Variants in PSME3 observed in about 807,000 individuals in gnomAD.
PSME3 encodes the protein proteasome activator complex subunit 3.
PSME3 carries 7 observed loss-of-function variants against 38.3 expected under a neutral mutation model. The ratio of observed to expected loss-of-function variants is 0.18; its 90% confidence interval spans 0.10 to 0.34. PSME3 has a LOEUF of 0.34. Ranked by LOEUF, PSME3 falls within the 10% of genes least tolerant of loss-of-function variation. The pLI, the probability that PSME3 is intolerant of heterozygous loss-of-function variation, is 1.00. For missense variants in PSME3, 192 were observed against 307.6 expected (o/e 0.62, Z 2.81); for synonymous variants, 108 against 105.7 (o/e 1.02, Z -0.13).
intron 2 of PSME3, 60 bp from the exon 3 acceptor site, chr17:42,834,437 GGAGAGAGAGAGAGAGAGA>G (rs59492997): frequency 7.8e-7 from 1 of 1,276,662 alleles, no homozygotes; most frequent in East Asian, 2.9e-5. Context: ...GGAGATACCT[GGAGAGAGAGAGAGAGAGA>G]GAGAGAGAGA....
chr17:42,836,260 C>G (rs891617086), intron 4 of PSME3, among the ~76,000 whole-genome samples: 1 of 152,084 alleles, frequency 6.6e-6, no homozygotes, highest in African/African-American at 2.4e-5. Flanking sequence ...CCGCCTCAGC[C>G]TCCCAAAGTG....
intron 4 of PSME3, among the ~76,000 whole-genome samples, chr17:42,836,031 A>G (rs148152766): frequency 0.019 from 2,777 of 142,456 alleles, 82 homozygotes; most frequent in African/African-American, 0.069. Flanking sequence ...CTTGAGACAG[A>G]GTCTCACTCT....
intron 4 of PSME3, among the ~76,000 whole-genome samples, chr17:42,835,595 G>T (rs1484164110): frequency 6.6e-6 from 1 of 151,942 alleles, no homozygotes; most frequent in Non-Finnish European, 1.5e-5. Flanking sequence ...TGTGGTTGTG[G>T]GCCCCTGTAG....
rs191127123 is a variant in PSME3 at position 42,837,613 on chromosome 17, A to G, written c.244-36A>G. ...ATCTTGTGATGGAGATGTGGGTGTC[A>G]AAACTAGGCTCATCCCTGCCTCTTT... On this transcript the variant is annotated intron_variant, in intron 4 of 10. Coordinates refer to ENST00000590720, the MANE Select transcript of PSME3 (RefSeq NM_005789.4). 4 of 1,610,464 alleles carry G rather than the reference A, an allele frequency of 2.5e-6. No individual in the cohort carries two copies. The East Asian group carries it at 8.9e-5, about 36-fold the overall frequency.
intron 1 of PSME3, chr17:42,834,098 C>T: frequency 6.9e-7 from 1 of 1,452,848 alleles, no homozygotes. Context: ...ATTCAGACAG[C>T]TTCAGACACA....
intron 4 of PSME3, 88 bp downstream of exon 4, chr17:42,834,964 C>G (rs2055444360): frequency 2.2e-5 from 35 of 1,557,990 alleles, no homozygotes; most frequent in Non-Finnish European, 3.0e-5. Flanking sequence ...ACAGAGGGAA[C>G]AGTGGGATTT....
intron 1 of PSME3, chr17:42,834,005 A>T: frequency 1.4e-6 from 2 of 1,439,390 alleles, no homozygotes; most frequent in South Asian, 3.0e-5. Flanking sequence ...CCTGCCTAGT[A>T]TCATAGACTA....
chr17:42,833,400 GT>G lies in PSME3; in HGVS notation c.-229del, dbSNP rs1350581037. ...AGTCTCGGCGATTGGCTGTGACGCAGTTTCCGGCGTGAGCGGCGAAAGCCGG... is the reference window on the plus strand; with the variant it reads ...AGTCTCGGCGATTGGCTGTGACGCAGTTCCGGCGTGAGCGGCGAAAGCCGG... On this transcript the variant is annotated 5_prime_UTR_variant, in exon 1 of 11. Transcript: ENST00000590720. 5.0e-6 allele frequency: 3 copies of G among 599,432 alleles called. No individual in the cohort carries two copies. Among genetic ancestry groups the G allele is most frequent in the Admixed American group, 3.0e-5 (1 of 33,776 alleles). The allele number at this position is 599,432 out of a possible 1,614,324, so 37.1% of individuals were successfully genotyped here.
chr17:42,835,823 G>C (rs544320341), intron 4 of PSME3, among the ~76,000 whole-genome samples: 1 of 152,156 alleles, frequency 6.6e-6, no homozygotes, highest in African/African-American at 2.4e-5. Flanking sequence ...CTTGAGTAGT[G>C]TTATGGGATA....
intron 4 of PSME3, 110 bp downstream of exon 4, chr17:42,834,986 C>G: frequency 4.7e-6 from 7 of 1,477,726 alleles, no homozygotes; most frequent in Non-Finnish European, 6.3e-6. Flanking sequence ...GATCTGGGAA[C>G]TAGGACTCTG....
rs560210658 is a variant in PSME3 at position 42,841,955 on chromosome 17, C to G, written c.*377C>G. The G allele has an allele frequency of 5.7e-5, 9 of 159,282 alleles. No individual in the cohort carries two copies. The highest frequency in any genetic ancestry group is 8.3e-5 in the Non-Finnish European group (6 of 72,352). The allele number at this position is 159,282 out of a possible 1,614,324, so 9.9% of individuals were successfully genotyped here. A position where few individuals can be genotyped will look rare whatever the true frequency, so the allele number is the denominator to read the frequency against. On this transcript the variant is annotated 3_prime_UTR_variant, in exon 11 of 11. Transcript: ENST00000590720. ...ATTAGTTGGTTAAAAGCTGAGGGAA[C>G]CGGAAGGAAAGTGCTAGGTGTTTTT...
Position 42,841,600 on chromosome 17 carries a change from ACT to A in PSME3, c.*25_*26del. On this transcript the variant is annotated 3_prime_UTR_variant, in exon 11 of 11. Coordinates refer to ENST00000590720, the MANE Select transcript of PSME3 (RefSeq NM_005789.4). ...CTGAGGCCAGGGCCAGGGCCAGGGG[ACT>A]CTGTGAGTCTGGCTCAAGACCGACA... The A allele has an allele frequency of 6.5e-7, 1 of 1,534,460 alleles. No homozygotes were observed. Among genetic ancestry groups the A allele is most frequent in the Non-Finnish European group, 8.9e-7 (1 of 1,126,390 alleles).
intron 10 of PSME3, among the ~76,000 whole-genome samples, chr17:42,840,063 G>A (rs2055512600): frequency 6.7e-6 from 1 of 150,306 alleles, no homozygotes; most frequent in Non-Finnish European, 1.5e-5. Flanking sequence ...GATCACTTGA[G>A]GTCAGGAGTT....
rs192083165 is a variant in PSME3, at chr17:42,835,316, C to T, written c.243+440C>T. On this transcript the variant is annotated intron_variant, in intron 4 of 10. Transcript: ENST00000590720. ...CGTCCCAAAGTGCTGGGATTACAGGCGTGAGTCACTGCACGGGGACTCCAG... is the reference window on the plus strand; with the variant it reads ...CGTCCCAAAGTGCTGGGATTACAGGTGTGAGTCACTGCACGGGGACTCCAG... Among the ~76,000 whole-genome samples, 766 of 152,152 alleles carry T rather than the reference C, an allele frequency of 5.0e-3. 10 individuals are homozygous for T. The highest frequency in any genetic ancestry group is 0.017 in the African/African-American group (725 of 41,534).
At position 42,839,026 on chromosome 17, in the gene PSME3, G is replaced by A. The variant is rs1305413492; in HGVS notation, c.542+14G>A. 1.9e-6 allele frequency: 3 copies of A among 1,613,976 alleles called. No individual in the cohort carries two copies. Among genetic ancestry groups the A allele is most frequent in the Non-Finnish European group, 2.5e-6 (3 of 1,179,884 alleles). ...CCAGATTTCTAGGTAGGGCTGCTTG[G>A]GCTTGGCCGAGGCGTTGGGGGCTGA... On this transcript the variant is annotated intron_variant, in intron 8 of 10. Transcript: ENST00000590720.
At chr17:42,837,796 T>G in intron 5 of PSME3, 99 bp downstream of exon 5, 1 of 1,371,858 alleles carries the variant, frequency 7.3e-7, no homozygotes, top group Non-Finnish European at 1.0e-6. Context: ...GGAGGCAAGA[T>G]CTAATCTTAC....
chr17:42,834,955 C>T (rs1014043517), intron 4 of PSME3, 79 bp downstream of exon 4: 2 of 1,575,890 alleles, frequency 1.3e-6, no homozygotes, highest in African/African-American at 2.7e-5. Context: ...TTAAGATGTA[C>T]AGAGGGAACA....
Position 42,834,814 on chromosome 17 carries a change from G to A in PSME3, c.181G>A (p.Asp61Asn), listed in dbSNP as rs2055442107. 4 of 1,613,934 alleles carry A rather than the reference G, an allele frequency of 2.5e-6. No individual in the cohort carries two copies. The highest frequency in any genetic ancestry group is 1.3e-5 in the African/African-American group (1 of 74,902). Reference protein sequence around the residue: ...NIHDLTQIHSDMNLPVPDPIL... With the variant: ...NIHDLTQIHSNMNLPVPDPIL... ...CCATGACCTAACTCAGATCCACTCT[G>A]ACATGAATCTCCCAGTCCCTGACCC... Residue 61 changes from aspartate (D) to asparagine (N), a missense_variant, in exon 4 of 11, where the codon GAC (aspartate) becomes AAC (asparagine). Coordinates refer to ENST00000590720, the MANE Select transcript of PSME3 (RefSeq NM_005789.4).
Position 42,841,626 on chromosome 17 carries a change from C to T in PSME3, c.*48C>T. On this transcript the variant is annotated 3_prime_UTR_variant, in exon 11 of 11. Transcript: ENST00000590720. Reference sequence around the variant, plus strand: ...CTCTGTGAGTCTGGCTCAAGACCGACATTGCCTTGGTTTGTTACATGACTA... The same window carrying T: ...CTCTGTGAGTCTGGCTCAAGACCGATATTGCCTTGGTTTGTTACATGACTA... 7.4e-7 allele frequency: 1 copy of T among 1,347,950 alleles called. No homozygotes were observed. The allele number at this position is 1,347,950 out of a possible 1,614,324, so 83.5% of individuals were successfully genotyped here.
Sources: allele counts gnomAD v4.1 joint callset (sites outside exome capture counted in the v4.1 genomes callset), GRCh38; gene constraint gnomAD v4.1.1; transcripts MANE v1.5; gene names NCBI Gene and HGNC (gene_info 2026-07-23, HGNC 2026-07-21).